SMC1B: variants seen among roughly 807,000 people sequenced by gnomAD.
SMC1B encodes the protein structural maintenance of chromosomes protein 1B.
SMC1B carries 60 observed loss-of-function variants against 157.9 expected under a neutral mutation model. That is an observed-to-expected ratio of 0.38 (90% CI 0.31 to 0.47). SMC1B has a LOEUF of 0.47. Ranked by LOEUF, SMC1B falls within the 20% of genes least tolerant of loss-of-function variation. The probability of loss-of-function intolerance (pLI) is 0.99; values close to 1 mark genes in which losing one functional copy is unlikely to be tolerated. For synonymous variants in SMC1B, 445 were observed against 483.0 expected, an observed-to-expected ratio of 0.92 and a Z score of 1.03; for missense variants, 1,165 against 1,426.2, an observed-to-expected ratio of 0.82 and a Z score of 2.95.
At chr22:45,359,329 A>G (rs1413591276) in intron 18 of SMC1B, among the ~76,000 whole-genome samples, 1 of 152,210 alleles carries the variant, frequency 6.6e-6, no homozygotes, top group Non-Finnish European at 1.5e-5. Flanking sequence ...AAAGGCCAAC[A>G]GGGAAATGTT....
At chr22:45,391,404 G>A (rs904573010) in intron 9 of SMC1B, among the ~76,000 whole-genome samples, 1 of 152,112 alleles carries the variant, frequency 6.6e-6, no homozygotes, top group Non-Finnish European at 1.5e-5. Context: ...TGCCCATAGT[G>A]CAAAACATTT....
Position 45,344,573 on chromosome 22 carries a change from G to C in SMC1B, c.3691C>G (p.His1231Asp). The change falls in exon 25 of 25, where the codon CAC becomes GAC. Residue 1231 changes from histidine to aspartate, a missense_variant. By Grantham distance (81) the His-to-Asp change is moderately conservative. Coordinates refer to ENST00000357450, the MANE Select transcript of SMC1B (RefSeq NM_148674.5). ...GACTGCCCCTAGCGGGACTCTCCGT[G>C]TCTCTTGCTGCTTTCTTGGCCTTCA... The part of the protein sequence containing the change: ...DTEGQESSKR[H>D]GESR 6.2e-7 allele frequency: 1 copy of C among 1,613,692 alleles called. No individual in the cohort carries two copies. Among genetic ancestry groups the C allele is most frequent in the Non-Finnish European group, 8.5e-7 (1 of 1,179,580 alleles).
intron 14 of SMC1B, 144 bp from the exon 15 acceptor site, chr22:45,370,204 C>CT (rs565228015): frequency 2.6e-5 from 11 of 430,794 alleles, no homozygotes; most frequent in African/African-American, 1.0e-4. Context: ...GAAGCCAGTA[C>CT]TTTTTTTTCC....
intron 13 of SMC1B, 108 bp downstream of exon 13, chr22:45,372,047 G>GAAAA: frequency 1.3e-6 from 1 of 769,484 alleles, no homozygotes; most frequent in Non-Finnish European, 1.8e-6. Context: ...TCTGTCTCAG[G>GAAAA]AAAAAAAAAA....
chr22:45,391,833 A>G (rs1448318712), intron 9 of SMC1B, among the ~76,000 whole-genome samples: 1 of 152,156 alleles, frequency 6.6e-6, no homozygotes, highest in African/African-American at 2.4e-5. Flanking sequence ...AGGAGGACAA[A>G]TCCCATCTTG....
intron 10 of SMC1B, 111 bp from the exon 11 acceptor site, chr22:45,387,157 G>T: frequency 1.0e-6 from 1 of 956,128 alleles, no homozygotes; most frequent in Non-Finnish European, 1.5e-6. Flanking sequence ...AAGATCAACA[G>T]TATGTACCCA....
chr22:45,372,032 G>A (rs2086837576), intron 13 of SMC1B, 123 bp downstream of exon 13: 1 of 776,896 alleles, frequency 1.3e-6, no homozygotes, highest in South Asian at 2.4e-5. Flanking sequence ...GACAGAGTGA[G>A]AGACTCTGTC....
intron 1 of SMC1B, 99 bp downstream of exon 1, chr22:45,413,360 A>C (rs2087376254): frequency 4.3e-6 from 4 of 925,528 alleles, no homozygotes; most frequent in Non-Finnish European, 6.4e-6. Context: ...AAGGCCGGCC[A>C]GGCGCCCGCG....
chr22:45,382,440 T>G (rs2086945664), intron 12 of SMC1B, among the ~76,000 whole-genome samples: 1 of 152,190 alleles, frequency 6.6e-6, no homozygotes, highest in Non-Finnish European at 1.5e-5. Context: ...GAAAGTAGAT[T>G]GGGTTGTGAG....
Position 45,406,876 on chromosome 22 carries a change from A to T in SMC1B, c.299-11T>A. 6.5e-7 allele frequency: 1 copy of T among 1,535,658 alleles called. No homozygotes were observed. On this transcript the variant is annotated splice_polypyrimidine_tract_variant and intron_variant, in intron 2 of 24. Coordinates refer to ENST00000357450, the MANE Select transcript of SMC1B (RefSeq NM_148674.5). ...ATTCTGAGCATCCCCCTAAAATAAA[A>T]AAATAAACCCTGTTAAAAAATATAT...
chr22:45,345,435 C>T (rs1374909091), intron 24 of SMC1B, 24 bp downstream of exon 24: 1 of 1,521,116 alleles, frequency 6.6e-7, no homozygotes, highest in South Asian at 1.1e-5. Flanking sequence ...GGGTACACTC[C>T]TCTCGCCTCT....
chr22:45,387,070 CAT>C (rs1185370472), intron 10 of SMC1B, 24 bp from the exon 11 acceptor site: 1 of 1,569,768 alleles, frequency 6.4e-7, no homozygotes, highest in South Asian at 1.1e-5. Context: ...AAATATTTAA[CAT>C]GTTACATACA....
intron 20 of SMC1B, 89 bp from the exon 21 acceptor site, chr22:45,354,221 G>T: frequency 2.7e-6 from 3 of 1,120,286 alleles, no homozygotes; most frequent in South Asian, 2.3e-5. Flanking sequence ...TTTAAAATTG[G>T]ATTTGAGTTT....
At chr22:45,356,955 A>C (rs951065998) in intron 19 of SMC1B, among the ~76,000 whole-genome samples, 2 of 151,532 alleles carry the variant, frequency 1.3e-5, no homozygotes. Flanking sequence ...CTGGTCTCGA[A>C]CTCCTGACCT....
rs559659703 is a variant in SMC1B, at chr22:45,375,372, C to T, written c.2059-3080G>A. 8.5e-5 allele frequency among the ~76,000 whole-genome samples: 13 copies of T among 152,292 alleles called. No individual in the cohort carries two copies. In the South Asian group the frequency reaches 2.7e-3, roughly 32 times the overall value. Reference sequence around the variant, plus strand: ...GTATAAAACCAAACTGTGCTCTGACCACCTTGGGCACATGCTGTCAGGACC... The same window carrying T: ...GTATAAAACCAAACTGTGCTCTGACTACCTTGGGCACATGCTGTCAGGACC... On this transcript the variant is annotated intron_variant, in intron 12 of 24. Coordinates refer to ENST00000357450, the MANE Select transcript of SMC1B (RefSeq NM_148674.5).
rs150419789 is a variant in SMC1B, at chr22:45,366,814, A to G, written c.2420+3140T>C. ...ATTTGCTCTTGAGATAATTTTCTAT[A>G]TCTTGTAGGCATTCTTCATTCCTTT... On this transcript the variant is annotated intron_variant, in intron 15 of 24. Transcript: ENST00000357450. Among the ~76,000 whole-genome samples, 294 of 152,280 alleles carry G rather than the reference A, an allele frequency of 1.9e-3. 3 individuals are homozygous for G. The highest frequency in any genetic ancestry group is 6.9e-3 in the African/African-American group (286 of 41,572).
intron 12 of SMC1B, among the ~76,000 whole-genome samples, chr22:45,375,634 T>C (rs2086876850): frequency 6.6e-6 from 1 of 152,236 alleles, no homozygotes; most frequent in African/African-American, 2.4e-5. Context: ...CACTAATTAG[T>C]CTTTTACTTA....
chr22:45,344,520 C>G lies in SMC1B; in HGVS notation c.*36G>C, dbSNP rs41279795. 7,378 of 1,463,388 alleles carry G rather than the reference C, an allele frequency of 5.0e-3. 40 individuals carry two copies. The highest frequency in any genetic ancestry group is 6.1e-3 in the Non-Finnish European group (6,350 of 1,043,304). 90.7% of individuals were successfully genotyped at this position (1,463,388 alleles called of 1,614,324 possible). ...AGCTGTGTGAGTATTAGAGTGGGAACTGAACAGTGATCAGGTGACTGCTGC... is the reference window on the plus strand; with the variant it reads ...AGCTGTGTGAGTATTAGAGTGGGAAGTGAACAGTGATCAGGTGACTGCTGC... On this transcript the variant is annotated 3_prime_UTR_variant, in exon 25 of 25. Coordinates refer to ENST00000357450, the MANE Select transcript of SMC1B (RefSeq NM_148674.5).
intron 4 of SMC1B, among the ~76,000 whole-genome samples, chr22:45,403,998 G>A (rs1333036404): frequency 1.3e-5 from 2 of 152,160 alleles, no homozygotes; most frequent in Non-Finnish European, 2.9e-5. Flanking sequence ...CTAAAGTGCA[G>A]TGGTGCAATC....
Sources: allele counts gnomAD v4.1 joint callset (sites outside exome capture counted in the v4.1 genomes callset), GRCh38; gene constraint gnomAD v4.1.1; transcripts MANE v1.5; gene names NCBI Gene and HGNC (gene_info 2026-07-23, HGNC 2026-07-21).